ZNF138: variants seen among roughly 807,000 people sequenced by gnomAD.
ZNF138 encodes the protein zinc finger protein 138 (clone pHZ-32).
In ZNF138, 33 loss-of-function variants were observed where a neutral mutation model predicts 33.0. The observed-to-expected ratio is 1.00, with a 90% CI of 0.76 to 1.34. ZNF138 has a LOEUF of 1.34. Ranked by LOEUF, ZNF138 falls within the 40% of genes most tolerant of loss-of-function variation. ZNF138 has a pLI of 0.00. For missense variants in ZNF138, 360 were observed against 370.8 expected (o/e 0.97, Z 0.24); for synonymous variants, 139 against 120.4 (o/e 1.15, Z -1.01).
chr7:64,825,374 G>T (rs1194593589), intron 3 of ZNF138, among the ~76,000 whole-genome samples: 1 of 151,062 alleles, frequency 6.6e-6, no homozygotes. Flanking sequence ...GAGTCTCACC[G>T]TGTTAGCCAG....
At chr7:64,825,187 T>C (rs1446933730) in intron 3 of ZNF138, among the ~76,000 whole-genome samples, 2 of 58,488 alleles carry the variant, frequency 3.4e-5, no homozygotes, top group Non-Finnish European at 7.2e-5. Context: ...TTTTTTTTTT[T>C]TTTGAGACGG....
intron 3 of ZNF138, among the ~76,000 whole-genome samples, chr7:64,822,119 C>T (rs1289312303): frequency 6.6e-6 from 1 of 150,994 alleles, no homozygotes; most frequent in Non-Finnish European, 1.5e-5. Context: ...TGGGGTTTCA[C>T]CGTGTTAGCC....
rs188007171 is a variant in ZNF138 at position 64,806,338 on chromosome 7, C to T, written c.4-8580C>T. Among the ~76,000 whole-genome samples the T allele has an allele frequency of 9.7e-4, 147 of 152,256 alleles. 1 individual carries two copies. Among genetic ancestry groups the T allele is most frequent in the African/African-American group, 2.9e-3 (121 of 41,544 alleles). Reference sequence around the variant, plus strand: ...AATACTTCATAGGACAGCAATCAACCATTTTACCTCTTTCAATGACTCTTT... The same window carrying T: ...AATACTTCATAGGACAGCAATCAACTATTTTACCTCTTTCAATGACTCTTT... On this transcript the variant is annotated intron_variant, in intron 1 of 3. Coordinates refer to ENST00000307355, the MANE Select transcript of ZNF138 (RefSeq NM_001271639.2).
chr7:64,800,765 C>CT lies in ZNF138; in HGVS notation c.3+6202dup, dbSNP rs577860223. 4.1e-4 allele frequency among the ~76,000 whole-genome samples: 62 copies of CT among 151,994 alleles called. 1 individual carries two copies. In the South Asian group the frequency reaches 0.012, roughly 30 times the overall value. On this transcript the variant is annotated intron_variant, in intron 1 of 3. Transcript: ENST00000307355. ...AGTTTTAGAAAGAATGGTACCAGCT[C>CT]TTTTTTTTATACATCTTGTAGAATT... is the stretch of plus-strand genomic sequence containing the variant.
At chr7:64,847,792 A>G in the ZNF138 span, among the ~76,000 whole-genome samples, 4 of 152,134 alleles carry the variant, frequency 2.6e-5, no homozygotes, top group African/African-American at 4.8e-5. Flanking sequence ...TGGCTGGTGA[A>G]TTCTTATCAG....
intron 1 of ZNF138, among the ~76,000 whole-genome samples, chr7:64,801,029 C>T (rs1174123688): frequency 6.6e-6 from 1 of 151,992 alleles, no homozygotes; most frequent in Non-Finnish European, 1.5e-5. Flanking sequence ...GTGGTAATGT[C>T]CCTTTTGTCA....
In ZNF138 at chr7:64,804,329, A is replaced by G. The variant is rs145034556; in HGVS notation, c.3+9758A>G. On this transcript the variant is annotated intron_variant, in intron 1 of 3. Transcript: ENST00000307355. ...CTAATTACCGGTGCATGCAGCCCCC[A>G]GTCATGTACCCCCTGCTTGCTCAAT... is the stretch of plus-strand genomic sequence containing the variant. Among the ~76,000 whole-genome samples the G allele has an allele frequency of 2.2e-3, 337 of 152,250 alleles. 2 individuals are homozygous for G. Among genetic ancestry groups the G allele is most frequent in the African/African-American group, 7.3e-3 (302 of 41,562 alleles).
At chr7:64,805,829 T>C (rs1274767636) in intron 1 of ZNF138, among the ~76,000 whole-genome samples, 1 of 152,240 alleles carries the variant, frequency 6.6e-6, no homozygotes, top group East Asian at 1.9e-4. Flanking sequence ...GAAAAGTTTA[T>C]TTTGTCGTTG....
chr7:64,799,481 C>T (rs1341985058), intron 1 of ZNF138, among the ~76,000 whole-genome samples: 1 of 151,994 alleles, frequency 6.6e-6, no homozygotes, highest in East Asian at 1.9e-4. Flanking sequence ...CTTTTCTATC[C>T]ATGAGCATAA....
Position 64,810,026 on chromosome 7 carries a change from C to A in ZNF138, c.4-4892C>A, listed in dbSNP as rs1281691188. ...ACATCCCAGATGATGGGCGGCCAGG[C>A]AGAGATGCTCCTCACTTCCCAGACA... On this transcript the variant is annotated intron_variant, in intron 1 of 3. Coordinates refer to ENST00000307355, the MANE Select transcript of ZNF138 (RefSeq NM_001271639.2). Among the ~76,000 whole-genome samples the A allele has an allele frequency of 7.8e-4, 80 of 102,612 alleles. 1 individual carries two copies. The highest frequency in any genetic ancestry group is 1.4e-3 in the Non-Finnish European group (68 of 49,770). 67.3% of individuals were successfully genotyped at this position (102,612 alleles called of 152,430 possible). A position where few individuals can be genotyped will look rare whatever the true frequency, so the allele number is the denominator to read the frequency against.
intron 3 of ZNF138, among the ~76,000 whole-genome samples, chr7:64,821,629 C>A (rs1384418646): frequency 1.3e-5 from 2 of 151,402 alleles, no homozygotes; most frequent in Non-Finnish European, 2.9e-5. Context: ...TCACTGCAAC[C>A]TCCACCTCCC....
At chr7:64,813,867 T>G (rs1265694407) in intron 1 of ZNF138, among the ~76,000 whole-genome samples, 1 of 152,256 alleles carries the variant, frequency 6.6e-6, no homozygotes, top group African/African-American at 2.4e-5. Flanking sequence ...TGTTAATGAT[T>G]CACTTGGTTA....
the ZNF138 span, among the ~76,000 whole-genome samples, chr7:64,849,898 AG>A: frequency 6.6e-6 from 1 of 152,144 alleles, no homozygotes; most frequent in African/African-American, 2.4e-5. Flanking sequence ...AAAAGCAAGC[AG>A]GGCTTTTGTG....
In ZNF138 at chr7:64,831,510, C is replaced by T. The variant is rs994204785; in HGVS notation, c.268C>T (p.Gln90Ter). ...WLEQNIKDSF[Q>*]KVTLSRYGKY... is the part of the protein sequence containing the mutation. ...AGAGCAGAACATAAAAGATTCTTTC[C>T]AAAAAGTGACACTGAGCAGATATGG... is the stretch of plus-strand genomic sequence containing the variant. The change falls in exon 4 of 4, where the codon CAA becomes TAA. Residue 90 changes from glutamine (Q) to a stop codon, truncating the protein, a stop_gained. Coordinates refer to ENST00000307355, the MANE Select transcript of ZNF138 (RefSeq NM_001271639.2). LOFTEE classifies it high-confidence loss of function. 14 of 1,605,482 alleles carry T rather than the reference C, an allele frequency of 8.7e-6. No individual in the cohort carries two copies. The highest frequency in any genetic ancestry group is 1.2e-5 in the Non-Finnish European group (14 of 1,177,564).
Position 64,794,475 on chromosome 7 carries a change from C to T in ZNF138, c.-94C>T, listed in dbSNP as rs367975718. On this transcript the variant is annotated 5_prime_UTR_variant, in exon 1 of 4. Transcript: ENST00000307355. ...AGGTCTGGCCTTCACTTTTCTGCGT[C>T]CTCTTACTCCTAGAGGCCCAGCCTC... is the stretch of plus-strand genomic sequence containing the variant. 3.5e-5 allele frequency: 56 copies of T among 1,584,530 alleles called. No individual in the cohort carries two copies. The East Asian group carries it at 1.0e-3, about 30-fold the overall frequency.
chr7:64,798,195 CCT>C (rs1786849687), intron 1 of ZNF138, among the ~76,000 whole-genome samples: 1 of 152,194 alleles, frequency 6.6e-6, no homozygotes, highest in African/African-American at 2.4e-5. Context: ...CTCTTCTCAG[CCT>C]CTCAAAGTGC....
the ZNF138 span, chr7:64,852,360 TAAAAA>T: frequency 3.0e-6 from 4 of 1,343,610 alleles, no homozygotes; most frequent in Admixed American, 8.1e-5. Context: ...TAGATCTATT[TAAAAA>T]CAAAACCAAA....
At chr7:64,798,633 G>T (rs1378321998) in intron 1 of ZNF138, among the ~76,000 whole-genome samples, 1 of 152,098 alleles carries the variant, frequency 6.6e-6, no homozygotes, top group Non-Finnish European at 1.5e-5. Flanking sequence ...AAAAAAAATA[G>T]TCGGACATGG....
chr7:64,828,909 TATTAC>T (rs1789860489), intron 3 of ZNF138, among the ~76,000 whole-genome samples: 1 of 152,130 alleles, frequency 6.6e-6, no homozygotes, highest in African/African-American at 2.4e-5. Flanking sequence ...TAAATCTGTA[TATTAC>T]ATTGAGCAGT....
Sources: allele counts gnomAD v4.1 joint callset (sites outside exome capture counted in the v4.1 genomes callset), GRCh38; gene constraint gnomAD v4.1.1; transcripts MANE v1.5; gene names NCBI Gene and HGNC (gene_info 2026-07-23, HGNC 2026-07-21).